The following PDE10A variants were observed in gnomAD, a reference collection of about 807,000 sequenced individuals.
PDE10A encodes the protein phosphodiesterase 10A.
Under a neutral mutation model 97.7 loss-of-function variants are expected in PDE10A, and 39 were observed. That is an observed-to-expected ratio of 0.40 (90% CI 0.31 to 0.52). The LOEUF (loss-of-function observed/expected upper bound fraction) is 0.52, where lower values mean the gene tolerates loss of function less well. Ranked by LOEUF, PDE10A falls within the 20% of genes least tolerant of loss-of-function variation. The pLI is 0.56. For missense variants in PDE10A, 731 were observed against 1,047.8 expected (o/e 0.70, Z 4.17); for synonymous variants, 371 against 376.8 (o/e 0.98, Z 0.18).
chr6:165,941,966 A>G (rs563500492), intron 1 of PDE10A, among the ~76,000 whole-genome samples: 1 of 152,266 alleles, frequency 6.6e-6, no homozygotes, highest in African/African-American at 2.4e-5. Context: ...TCAGGGGCAG[A>G]AGCCACTAGG....
At chr6:165,751,758 C>T (rs937716470) in intron 1 of PDE10A, among the ~76,000 whole-genome samples, 4 of 152,284 alleles carry the variant, frequency 2.6e-5, no homozygotes, top group Middle Eastern at 3.4e-3. Flanking sequence ...GGCAATGACT[C>T]GGAAGTTACC....
intron 1 of PDE10A, among the ~76,000 whole-genome samples, chr6:165,585,793 A>G (rs1423284277): frequency 6.6e-6 from 1 of 152,200 alleles, no homozygotes; most frequent in Non-Finnish European, 1.5e-5. Context: ...TTAACAATAA[A>G]ACATAGTAAG....
intron 1 of PDE10A, among the ~76,000 whole-genome samples, chr6:165,583,633 T>C (rs527385534): frequency 9.2e-5 from 14 of 152,304 alleles, no homozygotes; most frequent in African/African-American, 3.1e-4. Context: ...CATGTCCCCA[T>C]ATCCTGAAGC....
At chr6:165,668,072 A>G (rs1790540672), upstream of PDE10A, among the ~76,000 whole-genome samples, 1 of 152,258 alleles carries the variant, frequency 6.6e-6, no homozygotes, top group African/African-American at 2.4e-5. Flanking sequence ...TACAAGTCAA[A>G]TATATCAATT....
At chr6:165,551,954 C>A (rs1784039346) in intron 1 of PDE10A, among the ~76,000 whole-genome samples, 2 of 152,202 alleles carry the variant, frequency 1.3e-5, no homozygotes, top group South Asian at 4.2e-4. Context: ...TTTCAGTCCT[C>A]CAGCATGCCA....
chr6:165,973,750 G>A (rs766155289), intron 1 of PDE10A, among the ~76,000 whole-genome samples: 8 of 152,228 alleles, frequency 5.3e-5, no homozygotes, highest in Non-Finnish European at 1.0e-4. Flanking sequence ...TATCCAGACA[G>A]ATGTGAAATG....
At chr6:165,558,420 C>T (rs1246354051) in intron 1 of PDE10A, among the ~76,000 whole-genome samples, 4 of 150,558 alleles carry the variant, frequency 2.7e-5, no homozygotes, top group Admixed American at 1.3e-4. Flanking sequence ...TACTTGGACA[C>T]AGGAAGGGGA....
At chr6:165,976,981 A>G (rs1324668033) in intron 1 of PDE10A, among the ~76,000 whole-genome samples, 1 of 152,234 alleles carries the variant, frequency 6.6e-6, no homozygotes, top group Non-Finnish European at 1.5e-5. Context: ...CCAAACAGAT[A>G]GTTCCCTTGG....
intron 2 of PDE10A, among the ~76,000 whole-genome samples, chr6:165,499,192 CG>C (rs1161746831): frequency 2.0e-5 from 3 of 151,964 alleles, no homozygotes; most frequent in Non-Finnish European, 4.4e-5. Context: ...CAACAGTAGC[CG>C]GGGAAGAGTC....
At chr6:165,630,683 A>AT (rs2128414428) in intron 1 of PDE10A, among the ~76,000 whole-genome samples, 1 of 152,220 alleles carries the variant, frequency 6.6e-6, no homozygotes, top group Non-Finnish European at 1.5e-5. Context: ...AAAGAAAAAT[A>AT]TTTGCACTGT....
rs57134252 is a variant in PDE10A at position 165,548,276 on chromosome 6, CTT to C, written c.866-4710_866-4709del. 9.3e-3 allele frequency among the ~76,000 whole-genome samples: 982 copies of C among 105,522 alleles called. 11 individuals are homozygous for C. Among genetic ancestry groups the C allele is most frequent in the African/African-American group, 0.034 (911 of 26,648 alleles). 69.2% of individuals were successfully genotyped at this position (105,522 alleles called of 152,430 possible). A position where few individuals can be genotyped will look rare whatever the true frequency, so the allele number is the denominator to read the frequency against. On this transcript the variant is annotated intron_variant, in intron 1 of 21. Transcript: ENST00000539869. ...TCAAAAATATCCAGGCTTTAAATCT[CTT>C]TTTTTTTTTTTTTTTTTTTTTTTTA...
At chr6:165,432,205 C>G (rs1253999695) in intron 7 of PDE10A, among the ~76,000 whole-genome samples, 2 of 152,082 alleles carry the variant, frequency 1.3e-5, no homozygotes, top group African/African-American at 4.8e-5. Flanking sequence ...TAGATAGTGA[C>G]AGGTGCTATA....
intron 1 of PDE10A, among the ~76,000 whole-genome samples, chr6:165,970,602 TAAA>T (rs1784639851): frequency 6.6e-6 from 1 of 152,126 alleles, no homozygotes; most frequent in South Asian, 2.1e-4. Context: ...ATAAGTTCAA[TAAA>T]AAGGTAAACA....
chr6:165,392,986 G>T (rs1196602127), intron 15 of PDE10A, among the ~76,000 whole-genome samples, 190 bp from the exon 16 acceptor site: 1 of 152,100 alleles, frequency 6.6e-6, no homozygotes, highest in African/African-American at 2.4e-5. Context: ...TAGCCAAAAA[G>T]AAGTAAGAGG....
chr6:165,943,207 GAAAGAAAGAAAGAAAGAAAGAAAGAAA>G (rs1783606417), intron 1 of PDE10A, among the ~76,000 whole-genome samples: 6 of 62,248 alleles, frequency 9.6e-5, no homozygotes, highest in African/African-American at 1.5e-4. Flanking sequence ...AAGAAAGAAA[GAAAGAAAGAAAGAAAGAAAGAAAGAAA>G]GAAGGAAGGA....
At chr6:165,937,856 C>A (rs753111551) in intron 1 of PDE10A, among the ~76,000 whole-genome samples, 8 of 152,162 alleles carry the variant, frequency 5.3e-5, no homozygotes, top group Admixed American at 2.6e-4. Context: ...TAAATGCTAA[C>A]CAAACTAGTC....
chr6:165,937,670 C>G (rs562533926), intron 1 of PDE10A, among the ~76,000 whole-genome samples: 2 of 152,118 alleles, frequency 1.3e-5, no homozygotes, highest in Non-Finnish European at 2.9e-5. Context: ...AATAAATTAA[C>G]AGTGAACATT....
intron 20 of PDE10A, among the ~76,000 whole-genome samples, chr6:165,336,545 C>A (rs555278168): frequency 6.6e-6 from 1 of 151,668 alleles, no homozygotes; most frequent in African/African-American, 2.4e-5. Flanking sequence ...GTCAGGAGAT[C>A]GAGACCATCC....
intron 2 of PDE10A, among the ~76,000 whole-genome samples, chr6:165,505,073 A>G (rs1170005924): frequency 1.3e-5 from 2 of 152,152 alleles, no homozygotes; most frequent in East Asian, 3.9e-4. Context: ...CTGGGGCCTA[A>G]AAGCTTCTCT....
Sources: gnomAD v4.1 joint callset for allele counts (sites outside exome capture counted in the v4.1 genomes callset) on GRCh38, gnomAD v4.1.1 for gene constraint, MANE v1.5 for transcripts, NCBI Gene and HGNC (gene_info 2026-07-23, HGNC 2026-07-21) for gene names.